The following BID variants were observed in gnomAD, a reference collection of about 807,000 sequenced individuals.
The protein encoded by BID is BH3 interacting domain death agonist, also known as BH3-interacting domain death agonist.
In BID, 19 loss-of-function variants were observed where a neutral mutation model predicts 17.4. That is an observed-to-expected ratio of 1.09 (90% CI 0.76 to 1.60). The LOEUF is 1.60. Among genes scored for constraint, BID ranks in the 40% most tolerant of loss-of-function variants. The probability of loss-of-function intolerance (pLI) is 0.00; values close to 1 mark genes in which losing one functional copy is unlikely to be tolerated. For missense variants in BID, 226 were observed against 256.0 expected (o/e 0.88, Z 0.80); for synonymous variants, 108 against 102.8 (o/e 1.05, Z -0.31).
intron 1 of BID, among the ~76,000 whole-genome samples, chr22:17,759,055 AC>A (rs2061614776): frequency 6.6e-6 from 1 of 151,794 alleles, no homozygotes; most frequent in Admixed American, 6.6e-5. Flanking sequence ...ACATGGTGAA[AC>A]CCCGTCTCTA....
At chr22:17,753,153 A>G (rs1172685556) in intron 1 of BID, among the ~76,000 whole-genome samples, 1 of 149,548 alleles carries the variant, frequency 6.7e-6, no homozygotes, top group Non-Finnish European at 1.5e-5. Context: ...TTTTTAGTAG[A>G]GACGGGGTTT....
intron 1 of BID, among the ~76,000 whole-genome samples, chr22:17,761,102 C>T (rs186638301): frequency 1.3e-5 from 2 of 152,316 alleles, no homozygotes; most frequent in East Asian, 1.9e-4. Flanking sequence ...TTAAAACAAA[C>T]CTCATTATGT....
rs184247009 is a variant in BID, at chr22:17,764,747, T to C, written c.-59+9634A>G. Among the ~76,000 whole-genome samples the C allele has an allele frequency of 2.5e-3, 384 of 151,824 alleles. 1 individual carries two copies. Among genetic ancestry groups the C allele is most frequent in the African/African-American group, 9.0e-3 (372 of 41,360 alleles). ...AGCTGTCCTGGGATCGGTTGGGGAG[T>C]GGTAAGCAATGACATAAATCAAAAC... is the stretch of plus-strand genomic sequence containing the variant. On this transcript the variant is annotated intron_variant, in intron 1 of 5. Coordinates refer to ENST00000622694, the MANE Select transcript of BID (RefSeq NM_001196.4).
intron 2 of BID, among the ~76,000 whole-genome samples, chr22:17,748,328 T>C (rs1051305400): frequency 2.7e-5 from 4 of 150,036 alleles, no homozygotes; most frequent in East Asian, 3.9e-4. Context: ...GCTAACACGG[T>C]GAAACCCCGT....
At chr22:17,761,958 G>T (rs968286038) in intron 1 of BID, among the ~76,000 whole-genome samples, 3 of 152,062 alleles carry the variant, frequency 2.0e-5, no homozygotes, top group Non-Finnish European at 2.9e-5. Flanking sequence ...GAGAGAGTGT[G>T]GACCAGGATA....
At chr22:17,774,351 G>T (rs944952313) in intron 1 of BID, 30 bp downstream of exon 1, 34 of 163,220 alleles carry the variant, frequency 2.1e-4, no homozygotes, top group Non-Finnish European at 3.4e-4. Flanking sequence ...GGCTCGGCGC[G>T]TACCCCGGGA....
At chr22:17,743,580 C>G (rs8190317) in intron 3 of BID, among the ~76,000 whole-genome samples, 2,942 of 152,318 alleles carry the variant, frequency 0.019, 95 homozygotes, top group African/African-American at 0.068. Flanking sequence ...AAAGGAAGAA[C>G]TTTCTAACAG....
In BID at chr22:17,734,556, C is replaced by T. The variant is rs1013050560; in HGVS notation, c.*1024G>A. 2.6e-5 allele frequency: 4 copies of T among 152,206 alleles called. No homozygotes were observed. The highest frequency in any genetic ancestry group is 4.4e-5 in the Non-Finnish European group (3 of 68,042). 9.4% of individuals were successfully genotyped at this position (152,206 alleles called of 1,614,324 possible). On this transcript the variant is annotated 3_prime_UTR_variant, in exon 6 of 6. Transcript: ENST00000622694. ...AAGCTTTTCCTTATTTATTTTGGTA[C>T]TACCTAAGTGACTTGGTTTTGACTG...
intron 1 of BID, among the ~76,000 whole-genome samples, chr22:17,759,068 T>C (rs554881637): frequency 1.3e-4 from 20 of 151,592 alleles, no homozygotes; most frequent in Non-Finnish European, 2.7e-4. Flanking sequence ...CCGTCTCTAC[T>C]AAAAATACAA....
chr22:17,750,244 C>T (rs553705019), intron 1 of BID, 70 bp from the exon 2 acceptor site: 56 of 1,327,578 alleles, frequency 4.2e-5, no homozygotes, highest in African/African-American at 2.2e-4. Flanking sequence ...GGGAGGACGA[C>T]GAAGCTGGCC....
chr22:17,773,781 T>A lies in BID; in HGVS notation c.-59+600A>T. 1 of 1,195,404 alleles carries A rather than the reference T, an allele frequency of 8.4e-7. No homozygotes were observed. The highest frequency in any genetic ancestry group is 1.2e-6 in the Non-Finnish European group (1 of 837,630). The allele number at this position is 1,195,404 out of a possible 1,614,324, so 74.0% of individuals were successfully genotyped here. A position where few individuals can be genotyped will look rare whatever the true frequency, so the allele number is the denominator to read the frequency against. On this transcript the variant is annotated intron_variant, in intron 1 of 5. Coordinates refer to ENST00000622694, the MANE Select transcript of BID (RefSeq NM_001196.4). This position sits in a 1 kb window ranked among gnomAD's most constrained non-coding sequence, Gnocchi z 4.4. ...GCTCTCCCAGGGTCCCCTGGGGTCA[T>A]TCAGCCACTCAACAGTTTCCCAGCA...
chr22:17,761,565 G>A (rs2061638926), intron 1 of BID, among the ~76,000 whole-genome samples: 1 of 151,772 alleles, frequency 6.6e-6, no homozygotes, highest in African/African-American at 2.4e-5. Context: ...CCGAGTAGCT[G>A]GGACTACAGG....
intron 1 of BID, among the ~76,000 whole-genome samples, chr22:17,762,653 T>A (rs1293462746): frequency 6.6e-6 from 1 of 151,808 alleles, no homozygotes; most frequent in Non-Finnish European, 1.5e-5. Context: ...TGGGCTCAAG[T>A]GATCCTCCTG....
upstream of BID, chr22:17,774,471 T>C: frequency 7.0e-6 from 2 of 284,432 alleles, no homozygotes; most frequent in Non-Finnish European, 1.5e-5. Context: ...TTCCTCCTTA[T>C]GGCGCCCCGC....
intron 2 of BID, among the ~76,000 whole-genome samples, chr22:17,748,486 C>T (rs572253322): frequency 6.6e-6 from 1 of 150,696 alleles, no homozygotes; most frequent in African/African-American, 2.5e-5. Context: ...CCAGCCTGGG[C>T]GACACAGAGA....
intron 3 of BID, chr22:17,739,857 T>C (rs8190329): frequency 0.034 from 20,776 of 611,872 alleles, 1,583 homozygotes; most frequent in African/African-American, 0.23. Context: ...TGGGCAGCCG[T>C]TGGGGAAGGG....
At chr22:17,737,655 T>G (rs1203280181) in intron 5 of BID, among the ~76,000 whole-genome samples, 1 of 152,206 alleles carries the variant, frequency 6.6e-6, no homozygotes, top group Non-Finnish European at 1.5e-5. Flanking sequence ...ACATTACACT[T>G]ATTTTTTATG....
At position 17,773,721 on chromosome 22, in the gene BID, G is replaced by A. The variant is rs8190273; in HGVS notation, c.-59+660C>T. 2.5e-4 allele frequency: 405 copies of A among 1,596,282 alleles called. No individual in the cohort carries two copies. The highest frequency in any genetic ancestry group is 3.3e-4 in the Non-Finnish European group (384 of 1,175,958). Reference sequence around the variant, plus strand: ...TTGTTGAATGAATGAATGAACCCTTGCCAGCCCAGCCACTTGGTGGCTGAG... The same window carrying A: ...TTGTTGAATGAATGAATGAACCCTTACCAGCCCAGCCACTTGGTGGCTGAG... On this transcript the variant is annotated intron_variant, in intron 1 of 5. Transcript: ENST00000622694. The surrounding 1 kb of genome is among the most constrained non-coding windows in gnomAD (Gnocchi z 4.4).
chr22:17,773,107 G>C lies in BID; in HGVS notation c.-59+1274C>G, dbSNP rs540499522. Among the ~76,000 whole-genome samples the C allele has an allele frequency of 5.3e-5, 8 of 152,202 alleles. No individual in the cohort carries two copies. Among genetic ancestry groups the C allele is most frequent in the African/African-American group, 1.7e-4 (7 of 41,520 alleles). On this transcript the variant is annotated intron_variant, in intron 1 of 5. Coordinates refer to ENST00000622694, the MANE Select transcript of BID (RefSeq NM_001196.4). The surrounding 1 kb of genome is among the most constrained non-coding windows in gnomAD (Gnocchi z 4.4). The stretch of plus-strand genomic sequence containing the variant: ...TGCCTTTAAACCCCAGCCACGAACT[G>C]CTGACCCCGCATTTCCTCTTCCCTC...
Sources: allele counts gnomAD v4.1 joint callset (sites outside exome capture counted in the v4.1 genomes callset), GRCh38; gene constraint gnomAD v4.1.1; non-coding constraint Gnocchi (gnomAD v3.1); transcripts MANE v1.5; gene names NCBI Gene and HGNC (gene_info 2026-07-23, HGNC 2026-07-21).